The following PCCA variants were observed in gnomAD, a reference collection of about 807,000 sequenced individuals.
PCCA encodes propionyl-CoA carboxylase alpha chain, mitochondrial.
A neutral mutation model predicts 101.3 loss-of-function variants in PCCA; 74 were observed. That is an observed-to-expected ratio of 0.73 (90% confidence interval 0.61 to 0.89). The LOEUF (loss-of-function observed/expected upper bound fraction) is 0.89. Ranked by LOEUF, PCCA falls within the 40% of genes least tolerant of loss-of-function variation. The pLI, the probability that PCCA is intolerant of heterozygous loss-of-function variation, is 0.00. For synonymous variants in PCCA, 294 were observed against 313.6 expected (o/e 0.94, Z 0.66); for missense variants, 891 against 907.0 (o/e 0.98, Z 0.23).
chr13:100,275,366 C>T (rs2063574105), intron 12 of PCCA, among the ~76,000 whole-genome samples: 1 of 152,090 alleles, frequency 6.6e-6, no homozygotes, highest in Non-Finnish European at 1.5e-5. Flanking sequence ...GAGGTGAGTT[C>T]AGTAGTGGCC....
chr13:100,309,689 CAT>C (rs2152697040), intron 15 of PCCA, 142 bp from the exon 16 acceptor site: 1 of 554,854 alleles, frequency 1.8e-6, no homozygotes, highest in East Asian at 3.1e-5. Context: ...TCATAATTGA[CAT>C]GTATTGAAAA....
chr13:100,102,941 G>C lies in PCCA; in HGVS notation c.164G>C (p.Gly55Ala). The change falls in exon 2 of 24, where the codon GGA (glycine) becomes GCA (alanine). Residue 55 changes from glycine to alanine, a missense_variant. Gly to Ala is a moderately conservative substitution (Grantham distance 60). Coordinates refer to ENST00000376285, the MANE Select transcript of PCCA (RefSeq NM_000282.4). ...LMVSRNLGSVGYDPNEKTFDK... is the reference protein window; with the variant it reads ...LMVSRNLGSVAYDPNEKTFDK... ...GTGTCCCGTAATCTTGGTTCAGTGG[G>C]ATATGATCCTAATGAAAAAGTAAGT... 1 of 1,599,796 alleles carries C rather than the reference G, an allele frequency of 6.3e-7. No homozygotes were observed. Among genetic ancestry groups the C allele is most frequent in the Non-Finnish European group, 8.6e-7 (1 of 1,167,112 alleles).
intron 4 of PCCA, among the ~76,000 whole-genome samples, chr13:100,117,534 AAC>A (rs2048910594): frequency 1.3e-5 from 2 of 152,106 alleles, no homozygotes; most frequent in Non-Finnish European, 2.9e-5. Context: ...CAGAAAACAA[AAC>A]ACTGCACGTT....
intron 16 of PCCA, among the ~76,000 whole-genome samples, chr13:100,325,542 A>C (rs536218026): frequency 7.2e-5 from 11 of 151,918 alleles, no homozygotes; most frequent in South Asian, 2.1e-4. Flanking sequence ...TCTGAGGGGG[A>C]AAAAAAAGCC....
At chr13:100,519,793 G>A (rs1031722199) in intron 22 of PCCA, among the ~76,000 whole-genome samples, 3 of 152,200 alleles carry the variant, frequency 2.0e-5, no homozygotes, top group African/African-American at 4.8e-5. Context: ...GTATCCTAAC[G>A]AGAAGGCAGG....
chr13:100,383,649 T>C (rs1270415091), intron 19 of PCCA, among the ~76,000 whole-genome samples: 1 of 152,092 alleles, frequency 6.6e-6, no homozygotes, highest in African/African-American at 2.4e-5. Flanking sequence ...ATAGGTAAGC[T>C]TTTGTGTACA....
chr13:100,136,212 T>C (rs994115310), intron 4 of PCCA, among the ~76,000 whole-genome samples: 1 of 145,828 alleles, frequency 6.9e-6, no homozygotes, highest in African/African-American at 2.5e-5. Flanking sequence ...TGAGATGGAG[T>C]TTCACTCTTG....
chr13:100,351,987 G>A (rs1470156911), intron 18 of PCCA, among the ~76,000 whole-genome samples: 1 of 151,964 alleles, frequency 6.6e-6, no homozygotes, highest in Admixed American at 6.6e-5. Flanking sequence ...AATGCCCGGG[G>A]TAACCACTAA....
intron 19 of PCCA, among the ~76,000 whole-genome samples, chr13:100,417,802 T>C (rs1034378709): frequency 6.6e-6 from 1 of 152,150 alleles, no homozygotes; most frequent in Non-Finnish European, 1.5e-5. Context: ...TTACTTACCC[T>C]AACTAAAACC....
intron 12 of PCCA, among the ~76,000 whole-genome samples, chr13:100,279,711 T>C (rs2063934882): frequency 6.6e-6 from 1 of 152,162 alleles, no homozygotes; most frequent in African/African-American, 2.4e-5. Flanking sequence ...CTTGACCTCA[T>C]GATCCACCTG....
intron 21 of PCCA, among the ~76,000 whole-genome samples, chr13:100,449,928 C>CAT (rs770087872): frequency 7.2e-5 from 11 of 152,200 alleles, no homozygotes; most frequent in Non-Finnish European, 1.5e-4. Flanking sequence ...CACCACCCAT[C>CAT]ATATATTAGA....
chr13:100,150,992 G>C lies in PCCA; in HGVS notation c.301-3987G>C. On this transcript the variant is annotated intron_variant, in intron 4 of 23. Coordinates refer to ENST00000376285, the MANE Select transcript of PCCA (RefSeq NM_000282.4). Reference sequence around the variant, plus strand: ...GGTGGGGCGGAGAGCCCTGTGGAGAGCAGAGAGCTGGCGGTACTGCCAGCA... The same window carrying C: ...GGTGGGGCGGAGAGCCCTGTGGAGACCAGAGAGCTGGCGGTACTGCCAGCA... 2.0e-6 allele frequency: 3 copies of C among 1,522,398 alleles called. 1 individual carries two copies. The South Asian group carries it at 3.4e-5, about 17-fold the overall frequency. 94.3% of individuals were successfully genotyped at this position (1,522,398 alleles called of 1,614,324 possible).
intron 16 of PCCA, among the ~76,000 whole-genome samples, chr13:100,311,106 C>A (rs9557414): frequency 6.6e-6 from 1 of 151,316 alleles, no homozygotes; most frequent in Non-Finnish European, 1.5e-5. Context: ...TGGTGGTGGG[C>A]GTCTGTAATC....
At chr13:100,383,831 A>G (rs2076358627) in intron 19 of PCCA, among the ~76,000 whole-genome samples, 5 of 152,160 alleles carry the variant, frequency 3.3e-5, no homozygotes. Flanking sequence ...TGATGAACTA[A>G]GAATAGAAAA....
At chr13:100,393,328 A>G (rs1173971810) in intron 19 of PCCA, among the ~76,000 whole-genome samples, 1 of 151,938 alleles carries the variant, frequency 6.6e-6, no homozygotes, top group African/African-American at 2.4e-5. Flanking sequence ...AGGCCAAAAA[A>G]TGGCTGTTAA....
intron 6 of PCCA, among the ~76,000 whole-genome samples, chr13:100,174,047 A>T (rs2055987857): frequency 6.6e-6 from 1 of 152,150 alleles, no homozygotes; most frequent in Non-Finnish European, 1.5e-5. Flanking sequence ...ATGAAAATGG[A>T]CTAATACATA....
chr13:100,286,965 GCAAT>G (rs2064727235), intron 12 of PCCA, among the ~76,000 whole-genome samples: 1 of 152,036 alleles, frequency 6.6e-6, no homozygotes, highest in Non-Finnish European at 1.5e-5. Context: ...TGCTCTATGA[GCAAT>G]CAAACTGTTT....
At chr13:100,271,019 CGAAAAA>C (rs1213072296) in intron 11 of PCCA, among the ~76,000 whole-genome samples, 1 of 150,650 alleles carries the variant, frequency 6.6e-6, no homozygotes, top group African/African-American at 2.4e-5. Context: ...CCCCACCCCC[CGAAAAA>C]TAAAAATAAA....
intron 12 of PCCA, among the ~76,000 whole-genome samples, chr13:100,298,162 G>C (rs140900308): frequency 1.3e-5 from 2 of 152,226 alleles, no homozygotes; most frequent in East Asian, 3.9e-4. Context: ...TCAAATATTT[G>C]TGTGGTAAGG....
Sources: gnomAD v4.1 joint callset for allele counts (sites outside exome capture counted in the v4.1 genomes callset) on GRCh38, gnomAD v4.1.1 for gene constraint, MANE v1.5 for transcripts, NCBI Gene and HGNC (gene_info 2026-07-23, HGNC 2026-07-21) for gene names.